Variants in WDFY3 observed in about 807,000 individuals in gnomAD.
WDFY3 encodes WD repeat and FYVE domain-containing protein 3.
WDFY3 carries 66 observed loss-of-function variants against 409.6 expected under a neutral mutation model. The observed-to-expected ratio is 0.16, with a 90% CI of 0.13 to 0.20. WDFY3 has a LOEUF of 0.20. WDFY3 is among the 10% of genes least tolerant of loss of function. WDFY3 has a pLI of 1.00. For missense variants in WDFY3, 3,031 were observed against 4,298.1 expected (o/e 0.71, Z 8.24); for synonymous variants, 1,521 against 1,537.1 (o/e 0.99, Z 0.25).
At chr4:84,732,712 AT>A (rs199612136) in intron 44 of WDFY3, among the ~76,000 whole-genome samples, 5,007 of 152,118 alleles carry the variant, frequency 0.033, 130 homozygotes, top group Non-Finnish European at 0.055. Flanking sequence ...GGCTTTCCTT[AT>A]TTTTTTAAGG....
At position 84,794,585 on chromosome 4, in the gene WDFY3, T is replaced by C. The variant is rs985837738; in HGVS notation, c.3421A>G (p.Ile1141Val). Residue 1141 changes from isoleucine to valine, a missense_variant, in exon 21 of 68, where the codon ATA becomes GTA. This residue lies in a region of WDFY3 where 1,322 missense variants were observed against 1,697.9 expected (regional missense o/e 0.78). Coordinates refer to ENST00000295888, the MANE Select transcript of WDFY3 (RefSeq NM_014991.6). ...GATCGGTCTTTTGCTGATAGAACTA[T>C]TGCAAGGCACACGTAATGTTGCTCA... is the stretch of plus-strand genomic sequence containing the variant. ...SSEQHYVCLA[I>V]VLSAKDRSLI... 11 of 1,614,008 alleles carry C rather than the reference T, an allele frequency of 6.8e-6. No homozygotes were observed. The highest frequency in any genetic ancestry group is 1.6e-4 in the Middle Eastern group (1 of 6,084).
intron 61 of WDFY3, among the ~76,000 whole-genome samples, chr4:84,689,733 G>A (rs1728940108): frequency 1.3e-5 from 2 of 152,098 alleles, no homozygotes; most frequent in Admixed American, 1.3e-4. Context: ...GTCTTTTTCA[G>A]GGGTAAAATG....
At chr4:84,673,056 CAT>C in intron 67 of WDFY3, 65 bp from the exon 68 acceptor site, 1 of 1,597,738 alleles carries the variant, frequency 6.3e-7, no homozygotes, top group Non-Finnish European at 8.5e-7. Context: ...GCACCGGAAA[CAT>C]TAATAATCGA....
At chr4:84,776,197 G>A (rs1219709275) in intron 27 of WDFY3, among the ~76,000 whole-genome samples, 1 of 151,978 alleles carries the variant, frequency 6.6e-6, no homozygotes, top group African/African-American at 2.4e-5. Flanking sequence ...TTATTGCAAA[G>A]TATTTATAAG....
rs761852027 is a variant in WDFY3 at position 84,860,516 on chromosome 4, T to G, written c.76A>C (p.Met26Leu). 1 of 1,614,124 alleles carries G rather than the reference T, an allele frequency of 6.2e-7. No homozygotes were observed. The highest frequency in any genetic ancestry group is 8.5e-7 in the Non-Finnish European group (1 of 1,179,990). ...TCCGTGAAGAGCCGGCGGAGGTGCA[T>G]CAGTCCTAAGGCGTTGTCTTGTGGG... The part of the protein sequence containing the change: ...CSPQDNALGL[M>L]HLRRLFTELC... Residue 26 changes from methionine (M) to leucine (L), a missense_variant, in exon 4 of 68, where the codon ATG becomes CTG. Physicochemically the swap from Met to Leu is conservative, Grantham distance 15. Transcript: ENST00000295888.
intron 17 of WDFY3, 50 bp from the exon 18 acceptor site, chr4:84,798,158 A>G (rs774919505): frequency 5.6e-6 from 8 of 1,421,948 alleles, no homozygotes; most frequent in Middle Eastern, 3.6e-4. Context: ...TTATTATATA[A>G]TTCATTAACC....
chr4:84,886,485 A>C (rs1308021040), intron 3 of WDFY3: 1 of 152,048 alleles, frequency 6.6e-6, no homozygotes, highest in Admixed American at 6.6e-5. Flanking sequence ...AACCATGTTT[A>C]AATCAGATAC....
rs143478520 is a variant in WDFY3, at chr4:84,961,058, T to C, written c.-226+5151A>G. Among the ~76,000 whole-genome samples the C allele has an allele frequency of 3.7e-3, 562 of 151,936 alleles. 3 individuals are homozygous for C. Among genetic ancestry groups the C allele is most frequent in the African/African-American group, 0.013 (536 of 41,416 alleles). On this transcript the variant is annotated intron_variant, in intron 1 of 67. Transcript: ENST00000295888. Reference sequence around the variant, plus strand: ...GGTGAAACCCTGTCTCTACTAAAAATGCAAAAATTAGCCGGGCGTGGTGGC... The same window carrying C: ...GGTGAAACCCTGTCTCTACTAAAAACGCAAAAATTAGCCGGGCGTGGTGGC...
chr4:84,797,860 C>G (rs1361383046), intron 18 of WDFY3, 136 bp downstream of exon 18: 10 of 747,394 alleles, frequency 1.3e-5, no homozygotes, highest in Non-Finnish European at 2.0e-5. Flanking sequence ...CGTGAGCCAC[C>G]GCGCCGGGCC....
In WDFY3 at chr4:84,715,348, C is replaced by G; in HGVS notation, c.7911G>C (p.Arg2637=). The change falls in exon 50 of 68, where the codon CGG becomes CGC. Residue 2637 remains arginine (R), a synonymous_variant. Coordinates refer to ENST00000295888, the MANE Select transcript of WDFY3 (RefSeq NM_014991.6). ...CTTTCTGAAAAGCAAGGAGGTAATTCCGTCCATCTCCAGAGAAAACTTCCA... is the reference window on the plus strand; with the variant it reads ...CTTTCTGAAAAGCAAGGAGGTAATTGCGTCCATCTCCAGAGAAAACTTCCA... ...IAVEVFSGDG[R]NYLLAFQKGI... 1 of 1,610,482 alleles carries G rather than the reference C, an allele frequency of 6.2e-7. No homozygotes were observed. The highest frequency in any genetic ancestry group is 1.1e-5 in the South Asian group (1 of 90,820).
intron 43 of WDFY3, among the ~76,000 whole-genome samples, chr4:84,734,512 C>T (rs1340910276): frequency 2.0e-5 from 3 of 151,996 alleles, no homozygotes; most frequent in Admixed American, 1.3e-4. Flanking sequence ...AATAGCTAAT[C>T]TGAGAATAAA....
At chr4:84,814,026 C>T (rs1752904539) in intron 13 of WDFY3, among the ~76,000 whole-genome samples, 1 of 152,070 alleles carries the variant, frequency 6.6e-6, no homozygotes, top group African/African-American at 2.4e-5. Flanking sequence ...ACCAATGAAA[C>T]ATTTAATTGA....
rs950510427 is a variant in WDFY3 at position 84,716,942 on chromosome 4, G to A, written c.7829C>T (p.Ala2610Val). Residue 2610 changes from alanine (A) to valine (V), a missense_variant, in exon 49 of 68, where the codon GCA becomes GTA. Physicochemically the swap from Ala to Val is moderately conservative, Grantham distance 64 (BLOSUM62 0). Around this residue, in one of 16 missense-constraint regions of WDFY3, gnomAD observed 45 missense variants for 121.8 expected, o/e 0.37. Transcript: ENST00000295888. The stretch of plus-strand genomic sequence containing the variant: ...ATGAACTTCCTTGATATCTTCATAT[G>A]CAAAAATGCTGCATGTTCTCTTGAG... The part of the protein sequence containing the change: ...SQLKRTCSIF[A>V]YEDIKEVHKR... 6.2e-7 allele frequency: 1 copy of A among 1,607,532 alleles called. No homozygotes were observed. The highest frequency in any genetic ancestry group is 1.7e-5 in the Admixed American group (1 of 59,272).
chr4:84,862,737 C>T (rs1243783456), intron 3 of WDFY3, among the ~76,000 whole-genome samples: 1 of 152,106 alleles, frequency 6.6e-6, no homozygotes, highest in Non-Finnish European at 1.5e-5. Flanking sequence ...CCTGTAATCC[C>T]AGCACTTTGG....
rs149554071 is a variant in WDFY3 at position 84,724,543 on chromosome 4, T to G, written c.7324A>C (p.Met2442Leu). Residue 2442 changes from methionine to leucine, a missense_variant, in exon 46 of 68, where the codon ATG (methionine) becomes CTG (leucine). Coordinates refer to ENST00000295888, the MANE Select transcript of WDFY3 (RefSeq NM_014991.6). Reference protein sequence around the residue: ...AVSYDSKEYYMRLASGNPAIV... With the variant: ...AVSYDSKEYYLRLASGNPAIV... ...GCGGGATTGCCAGAGGCCAGTCGCATGTAGTACTCTTTACTGTCATAACTT... is the reference window on the plus strand; with the variant it reads ...GCGGGATTGCCAGAGGCCAGTCGCAGGTAGTACTCTTTACTGTCATAACTT... 7 of 1,614,008 alleles carry G rather than the reference T, an allele frequency of 4.3e-6. No individual in the cohort carries two copies. The highest frequency in any genetic ancestry group is 1.6e-4 in the Middle Eastern group (1 of 6,084).
intron 1 of WDFY3, among the ~76,000 whole-genome samples, chr4:84,943,782 T>C (rs1772451467): frequency 1.3e-5 from 2 of 152,182 alleles, no homozygotes; most frequent in South Asian, 2.1e-4. Context: ...CTAAGGGTGA[T>C]ACAATTTGGC....
chr4:84,914,375 T>C (rs941676518), intron 2 of WDFY3, among the ~76,000 whole-genome samples: 10 of 152,040 alleles, frequency 6.6e-5, no homozygotes, highest in East Asian at 1.9e-4. Context: ...GATAGCGCCA[T>C]TGCACTTCAG....
intron 3 of WDFY3, among the ~76,000 whole-genome samples, chr4:84,894,691 C>T (rs1765386232): frequency 6.6e-6 from 1 of 151,516 alleles, no homozygotes; most frequent in South Asian, 2.1e-4. Context: ...GAGGCTGAGA[C>T]AAGAGAATTG....
chr4:84,685,558 G>C (rs930644376), intron 62 of WDFY3, among the ~76,000 whole-genome samples: 1 of 152,148 alleles, frequency 6.6e-6, no homozygotes, highest in Non-Finnish European at 1.5e-5. Context: ...ATTCTGCACT[G>C]GGCAAGACCT....
Sources: allele counts gnomAD v4.1 joint callset (sites outside exome capture counted in the v4.1 genomes callset), GRCh38; gene constraint gnomAD v4.1.1; regional missense constraint gnomAD v4.1.1; transcripts MANE v1.5; gene names NCBI Gene and HGNC (gene_info 2026-07-23, HGNC 2026-07-21).